Variants in SYVN1 observed in about 807,000 individuals in gnomAD.
SYVN1 encodes synoviolin 1.
In SYVN1, 17 loss-of-function variants were observed where a neutral mutation model predicts 62.6. That is an observed-to-expected ratio of 0.27 (90% confidence interval 0.19 to 0.41). The LOEUF is 0.41. Among genes scored for constraint, SYVN1 ranks in the 10% least tolerant of loss-of-function variants. The pLI is 1.00. For missense variants in SYVN1, 634 were observed against 818.0 expected (o/e 0.78, Z 2.74); for synonymous variants, 316 against 304.0 (o/e 1.04, Z -0.41).
At chr11:65,129,512 C>T (rs1236119499) in intron 14 of SYVN1, 3 of 514,270 alleles carry the variant, frequency 5.8e-6, no homozygotes, top group East Asian at 2.9e-5. Flanking sequence ...AGTCAGCTCT[C>T]GAATAAACAT....
chr11:65,130,591 C>T, intron 11 of SYVN1, 69 bp downstream of exon 11: 1 of 1,476,818 alleles, frequency 6.8e-7, no homozygotes, highest in Admixed American at 2.6e-5. Context: ...AATTTCCCAG[C>T]ATCTTCCACA....
chr11:65,132,892 C>A (rs771760415), intron 4 of SYVN1, 30 bp downstream of exon 4: 1 of 1,613,828 alleles, frequency 6.2e-7, no homozygotes. Context: ...CTGGCTTCCA[C>A]CTGCTCCAGA....
At chr11:65,134,268 A>C (rs1948219117) in intron 1 of SYVN1, 188 bp downstream of exon 1, 1 of 152,660 alleles carries the variant, frequency 6.6e-6, no homozygotes, top group Non-Finnish European at 1.5e-5. Flanking sequence ...GAGCACCAGG[A>C]GTTGCGGGCG....
At chr11:65,130,591 C>G (rs1488909722) in intron 11 of SYVN1, 69 bp downstream of exon 11, 13 of 1,476,700 alleles carry the variant, frequency 8.8e-6, no homozygotes, top group Non-Finnish European at 1.2e-5. Flanking sequence ...AATTTCCCAG[C>G]ATCTTCCACA....
chr11:65,132,399 C>T, intron 5 of SYVN1, 48 bp from the exon 6 acceptor site: 1 of 1,343,136 alleles, frequency 7.4e-7, no homozygotes, highest in Non-Finnish European at 1.1e-6. Flanking sequence ...GCCCAGGGCC[C>T]AACAGCTGTT....
In SYVN1 at chr11:65,130,164, GAGA is replaced by G. The variant is rs913248850; in HGVS notation, c.1243_1245del (p.Ser415del). 6.2e-7 allele frequency: 1 copy of G among 1,605,174 alleles called. No individual in the cohort carries two copies. Among genetic ancestry groups the G allele is most frequent in the African/African-American group, 1.3e-5 (1 of 74,710 alleles). On this transcript the variant is annotated inframe_deletion, in exon 13 of 16. Transcript: ENST00000377190. Reference sequence around the variant, plus strand: ...GTGGTTGTAGCTGCTCCACTGGGCCGAGAAAGGGCTGCTGAAGAGCAGGAACGA... The same window carrying G: ...GTGGTTGTAGCTGCTCCACTGGGCCGAAGGGCTGCTGAAGAGCAGGAACGA...
intron 5 of SYVN1, 105 bp from the exon 6 acceptor site, chr11:65,132,456 G>C: frequency 1.2e-6 from 1 of 843,790 alleles, no homozygotes; most frequent in Admixed American, 2.2e-5. Flanking sequence ...TGGCCCCAGC[G>C]ATCTAGTCAG....
rs1948158624 is a variant in SYVN1, at chr11:65,130,171, G to A, written c.1239C>T (p.Ala413=). 1 of 1,605,022 alleles carries A rather than the reference G, an allele frequency of 6.2e-7. No individual in the cohort carries two copies. The highest frequency in any genetic ancestry group is 1.7e-5 in the Admixed American group (1 of 58,728). The change falls in exon 13 of 16, where the codon GCC becomes GCT. Residue 413 remains alanine, a synonymous_variant. Coordinates refer to ENST00000377190, the MANE Select transcript of SYVN1 (RefSeq NM_172230.3). ...TAGCTGCTCCACTGGGCCGAGAAAG[G>A]GCTGCTGAAGAGCAGGAACGAAGTC... The part of the protein sequence containing the change: ...AVAPPSTSAA[A]LSRPSGAATT...
Position 65,128,497 on chromosome 11 carries a change from A to G in SYVN1, c.1748-9T>C. 1 of 1,613,486 alleles carries G rather than the reference A, an allele frequency of 6.2e-7. No individual in the cohort carries two copies. The highest frequency in any genetic ancestry group is 1.1e-5 in the South Asian group (1 of 91,032). ...GCCCACTGACTCAGGAGCTGGGGAC[A>G]GAGAGACTGGAAGTGGAACCTAGAG... On this transcript the variant is annotated splice_polypyrimidine_tract_variant and intron_variant, in intron 15 of 15. Coordinates refer to ENST00000377190, the MANE Select transcript of SYVN1 (RefSeq NM_172230.3).
chr11:65,129,956 C>T, intron 13 of SYVN1, 41 bp from the exon 14 acceptor site: 2 of 1,602,894 alleles, frequency 1.2e-6, no homozygotes, highest in South Asian at 1.1e-5. Flanking sequence ...TGGGGCCAGA[C>T]ACCAACCTCA....
Position 65,128,154 on chromosome 11 carries a change from T to G in SYVN1, c.*228A>C. 3 of 582,604 alleles carry G rather than the reference T, an allele frequency of 5.1e-6. No homozygotes were observed. Among genetic ancestry groups the G allele is most frequent in the Admixed American group, 3.1e-5 (1 of 32,662 alleles). The allele number at this position is 582,604 out of a possible 1,614,324, so 36.1% of individuals were successfully genotyped here. A position where few individuals can be genotyped will look rare whatever the true frequency, so the allele number is the denominator to read the frequency against. ...CCCAGCAGAACACAGGGCTGAAGAG[T>G]TGGAGAGGAAGGCTGGAACTGACCC... On this transcript the variant is annotated 3_prime_UTR_variant, in exon 16 of 16. Transcript: ENST00000377190.
Position 65,128,444 on chromosome 11 carries a change from G to T in SYVN1, c.1792C>A (p.Pro598Thr). The T allele has an allele frequency of 6.2e-7, 1 of 1,614,152 alleles. No homozygotes were observed. Among genetic ancestry groups the T allele is most frequent in the Non-Finnish European group, 8.5e-7 (1 of 1,180,022 alleles). The change falls in exon 16 of 16, where the codon CCC becomes ACC. Residue 598 changes from proline (P) to threonine (T), a missense_variant. This residue lies in a region of SYVN1 where 351 missense variants were observed against 373.3 expected (regional missense o/e 0.94). Transcript: ENST00000377190. The part of the protein sequence containing the change: ...GTEEMPEDGE[P>T]DAAELRRRRL... ...CGCCGGCGGAGCTCTGCTGCATCGG[G>T]CTCTCCATCCTCAGGCATCTCCTCT...
intron 6 of SYVN1, 33 bp downstream of exon 6, chr11:65,132,215 G>C (rs1286739638): frequency 6.5e-7 from 1 of 1,549,462 alleles, no homozygotes; most frequent in African/African-American, 1.4e-5. Context: ...GTCACCTCGG[G>C]CTTGTCCTCT....
chr11:65,131,587 G>C lies in SYVN1; in HGVS notation c.541C>G (p.Leu181Val). 6.2e-7 allele frequency: 1 copy of C among 1,613,674 alleles called. No homozygotes were observed. The highest frequency in any genetic ancestry group is 8.5e-7 in the Non-Finnish European group (1 of 1,179,966). The change falls in exon 7 of 16, where the codon CTG (leucine) becomes GTG (valine). Residue 181 changes from leucine to valine, a missense_variant. Coordinates refer to ENST00000377190, the MANE Select transcript of SYVN1 (RefSeq NM_172230.3). ...QLVFGFEYAI[L>V]MTMVLTIFIK... is the part of the protein sequence containing the mutation. ...AAGATGGTGAGCACCATCGTCATCAGGATGGCATACTGAAGGGAGAGGGGG... is the reference window on the plus strand; with the variant it reads ...AAGATGGTGAGCACCATCGTCATCACGATGGCATACTGAAGGGAGAGGGGG...
intron 14 of SYVN1, chr11:65,129,036 G>A (rs1948141025): frequency 3.5e-6 from 1 of 288,792 alleles, no homozygotes; most frequent in African/African-American, 2.2e-5. Flanking sequence ...TCGAGCCTTG[G>A]ACTCAAGTTC....
intron 11 of SYVN1, 130 bp from the exon 12 acceptor site, chr11:65,130,509 T>G: frequency 7.1e-7 from 1 of 1,400,992 alleles, no homozygotes. Flanking sequence ...TCACACTGAC[T>G]GCAAGCATCT....
Position 65,129,986 on chromosome 11 carries a change from G to T in SYVN1, c.1408+16C>A. 6.3e-7 allele frequency: 1 copy of T among 1,595,116 alleles called. No individual in the cohort carries two copies. On this transcript the variant is annotated intron_variant, in intron 13 of 15. Transcript: ENST00000377190. ...ACCTCACCCCCAAGAAGAACCCAGAGAGTGGCCCAGCTTACCAAAGGGTGG... is the reference window on the plus strand; with the variant it reads ...ACCTCACCCCCAAGAAGAACCCAGATAGTGGCCCAGCTTACCAAAGGGTGG...
Position 65,130,048 on chromosome 11 carries a change from G to A in SYVN1, c.1362C>T (p.Phe454=). ...TACCCATCCAGGGAGGAGGGAAGGG[G>A]AAACCAGGGGCAGGGCCAGCCTCTG... ...SAPEAGPAPG[F]PFPPPWMGMP... is the part of the protein sequence containing the mutation. The change falls in exon 13 of 16, where the codon TTC becomes TTT. Residue 454 remains phenylalanine, a synonymous_variant. Transcript: ENST00000377190. The A allele has an allele frequency of 6.2e-7, 1 of 1,604,376 alleles. No homozygotes were observed. Among genetic ancestry groups the A allele is most frequent in the South Asian group, 1.1e-5 (1 of 89,910 alleles).
chr11:65,132,762 T>C lies in SYVN1; in HGVS notation c.397A>G (p.Ile133Val). Residue 133 changes from isoleucine to valine, a missense_variant, in exon 5 of 16, where the codon ATC becomes GTC. By Grantham distance (29) the Ile-to-Val change is conservative. This residue lies in a region of SYVN1 where 283 missense variants were observed against 444.7 expected (regional missense o/e 0.64). Coordinates refer to ENST00000377190, the MANE Select transcript of SYVN1 (RefSeq NM_172230.3). ...RVDFMERSPN[I>V]SWLFHCRIVS... ...ATGCGGCAGTGAAAGAGCCAGGAGA[T>C]GTTGGGGCTGCGTTCCATCTGAGGC... is the stretch of plus-strand genomic sequence containing the variant. 1 of 1,614,086 alleles carries C rather than the reference T, an allele frequency of 6.2e-7. No individual in the cohort carries two copies.
Sources: allele counts gnomAD v4.1 joint callset, GRCh38; gene constraint gnomAD v4.1.1; regional missense constraint gnomAD v4.1.1; transcripts MANE v1.5; gene names NCBI Gene and HGNC (gene_info 2026-07-23, HGNC 2026-07-21).